The following BTBD7 variants were observed in gnomAD, a reference collection of about 807,000 sequenced individuals.
BTBD7 encodes BTB domain containing 7.
In BTBD7, 38 loss-of-function variants were observed where a neutral mutation model predicts 99.9. The observed-to-expected ratio is 0.38, with a 90% CI of 0.29 to 0.50. The LOEUF is 0.50. Among genes scored for constraint, BTBD7 ranks in the 20% least tolerant of loss-of-function variants. The pLI, the probability that BTBD7 is intolerant of heterozygous loss-of-function variation, is 0.93. For missense variants in BTBD7, 1,170 were observed against 1,394.6 expected, an observed-to-expected ratio of 0.84 and a Z score of 2.57; for synonymous variants, 520 against 511.4, an observed-to-expected ratio of 1.02 and a Z score of -0.23.
intron 7 of BTBD7, among the ~76,000 whole-genome samples, chr14:93,253,327 T>C (rs1230174673): frequency 6.6e-6 from 1 of 152,234 alleles, no homozygotes; most frequent in African/African-American, 2.4e-5. Context: ...ATTTCCCTCA[T>C]GCTCAAGATC....
chr14:93,268,665 C>T (rs149408373), intron 3 of BTBD7, among the ~76,000 whole-genome samples: 1 of 150,598 alleles, frequency 6.6e-6, no homozygotes, highest in East Asian at 2.0e-4. Context: ...CAAGGTTATA[C>T]ATCTAGGAAG....
In BTBD7 at chr14:93,246,301, A is replaced by G; in HGVS notation, c.2122-15T>C. The G allele has an allele frequency of 1.2e-6, 1 of 803,674 alleles. No homozygotes were observed. Among genetic ancestry groups the G allele is most frequent in the Middle Eastern group, 3.2e-4 (1 of 3,134 alleles). 49.8% of individuals were successfully genotyped at this position (803,674 alleles called of 1,614,324 possible). A position where few individuals can be genotyped will look rare whatever the true frequency, so the allele number is the denominator to read the frequency against. ...TTGTGAGGATTCTAAAAAAGATTAA[A>G]AAAAAAAAAAAAGGACATTTATTAG... is the stretch of plus-strand genomic sequence containing the variant. On this transcript the variant is annotated splice_polypyrimidine_tract_variant and intron_variant, in intron 9 of 10. Transcript: ENST00000334746.
chr14:93,293,240 C>A (rs1024028553), intron 3 of BTBD7, among the ~76,000 whole-genome samples: 8 of 152,072 alleles, frequency 5.3e-5, no homozygotes, highest in African/African-American at 1.9e-4. Flanking sequence ...AAAAAACGTG[C>A]CGTCCTAATT....
At chr14:93,287,907 A>C (rs936443006) in intron 3 of BTBD7, 1 of 152,388 alleles carries the variant, frequency 6.6e-6, no homozygotes, top group African/African-American at 2.4e-5. Flanking sequence ...ATATCCCTAC[A>C]CAGGCAGTTT....
chr14:93,254,865 G>C (rs1193274367), intron 6 of BTBD7, among the ~76,000 whole-genome samples: 1 of 152,192 alleles, frequency 6.6e-6, no homozygotes, highest in East Asian at 1.9e-4. Flanking sequence ...CGATGTGTTA[G>C]GCACGGAGTT....
At position 93,289,167 on chromosome 14, in the gene BTBD7, C is replaced by T. The variant is rs149651086; in HGVS notation, c.1162+4691G>A. ...ACTGGGACAAAATGGAGACTGAGTA[C>T]TGATGCATGAATACAATCCATGCAT... On this transcript the variant is annotated intron_variant, in intron 3 of 10. Coordinates refer to ENST00000334746, the MANE Select transcript of BTBD7 (RefSeq NM_001002860.4). 2.7e-3 allele frequency among the ~76,000 whole-genome samples: 408 copies of T among 152,290 alleles called. 1 individual carries two copies. Among genetic ancestry groups the T allele is most frequent in the African/African-American group, 9.3e-3 (386 of 41,552 alleles).
At position 93,293,991 on chromosome 14, in the gene BTBD7, G is replaced by A. The variant is rs369349497; in HGVS notation, c.1029C>T (p.His343=). The change falls in exon 3 of 11, where the codon CAC becomes CAT. Residue 343 remains histidine, a synonymous_variant. Coordinates refer to ENST00000334746, the MANE Select transcript of BTBD7 (RefSeq NM_001002860.4). ...YTDVVDLSVL[H]CSPSVGSLSE... Reference sequence around the variant, plus strand: ...TGAGACTCCCCACAGAGGGGCTACAGTGCAAAACAGAGAGGTCCACCACGT... The same window carrying A: ...TGAGACTCCCCACAGAGGGGCTACAATGCAAAACAGAGAGGTCCACCACGT... 1 of 1,613,756 alleles carries A rather than the reference G, an allele frequency of 6.2e-7. No individual in the cohort carries two copies. Among genetic ancestry groups the A allele is most frequent in the African/African-American group, 1.3e-5 (1 of 74,926 alleles).
intron 2 of BTBD7, 52 bp downstream of exon 2, chr14:93,295,918 C>T (rs1595321591): frequency 1.3e-6 from 2 of 1,550,044 alleles, no homozygotes; most frequent in Non-Finnish European, 1.8e-6. Context: ...ACCGAAAACA[C>T]AATTCTATTA....
chr14:93,332,962 T>C lies in BTBD7; in HGVS notation c.-249A>G, dbSNP rs1398096436. On this transcript the variant is annotated 5_prime_UTR_variant, in exon 1 of 11. Coordinates refer to ENST00000334746, the MANE Select transcript of BTBD7 (RefSeq NM_001002860.4). ...CACCGCCGCCGCCGCCGCCCTCTCC[T>C]CTCCTGTCAGTGGCTCAGGCTCCGG... 1 of 681,780 alleles carries C rather than the reference T, an allele frequency of 1.5e-6. No homozygotes were observed. Among genetic ancestry groups the C allele is most frequent in the Non-Finnish European group, 2.3e-6 (1 of 443,360 alleles). 42.2% of individuals were successfully genotyped at this position (681,780 alleles called of 1,614,324 possible).
intron 5 of BTBD7, 83 bp from the exon 6 acceptor site, chr14:93,257,438 A>C: frequency 7.8e-7 from 1 of 1,278,696 alleles, no homozygotes; most frequent in Non-Finnish European, 1.1e-6. Context: ...ACATACACTA[A>C]CAGTACCACT....
intron 1 of BTBD7, among the ~76,000 whole-genome samples, chr14:93,301,962 G>C (rs1022868144): frequency 1.3e-5 from 2 of 152,212 alleles, no homozygotes; most frequent in Non-Finnish European, 2.9e-5. Context: ...ATTAGGCAAA[G>C]CGCAGGAATT....
intron 7 of BTBD7, among the ~76,000 whole-genome samples, chr14:93,252,100 A>C (rs1444350040): frequency 3.9e-5 from 6 of 152,128 alleles, no homozygotes; most frequent in Non-Finnish European, 8.8e-5. Context: ...ACCTGAGGTC[A>C]TGAGTTCAAG....
At position 93,252,104 on chromosome 14, in the gene BTBD7, G is replaced by A. The variant is rs1052119342; in HGVS notation, c.1753-452C>T. 2.0e-5 allele frequency among the ~76,000 whole-genome samples: 3 copies of A among 152,218 alleles called. No homozygotes were observed. In the South Asian group the frequency reaches 6.2e-4, roughly 32 times the overall value. ...GTGGGTAGATCACCTGAGGTCATGA[G>A]TTCAAGACCAGTCTGGCCAACAAGG... is the stretch of plus-strand genomic sequence containing the variant. On this transcript the variant is annotated intron_variant, in intron 7 of 10. Transcript: ENST00000334746.
intron 1 of BTBD7, among the ~76,000 whole-genome samples, chr14:93,330,496 T>G (rs1361028603): frequency 6.6e-6 from 1 of 152,216 alleles, no homozygotes; most frequent in Non-Finnish European, 1.5e-5. Flanking sequence ...CTCTCTACCC[T>G]GTATACCAAC....
intron 1 of BTBD7, among the ~76,000 whole-genome samples, chr14:93,314,991 G>A (rs1004531943): frequency 2.0e-5 from 3 of 151,822 alleles, no homozygotes; most frequent in Non-Finnish European, 4.4e-5. Context: ...ATATTCATAC[G>A]GGCCTTTTAA....
intron 3 of BTBD7, among the ~76,000 whole-genome samples, chr14:93,277,925 T>C (rs1362929225): frequency 2.0e-5 from 3 of 152,182 alleles, no homozygotes; most frequent in African/African-American, 7.2e-5. Context: ...ATAAAAACTA[T>C]CCTCCTACTC....
intron 5 of BTBD7, among the ~76,000 whole-genome samples, chr14:93,259,827 G>T (rs570936457): frequency 2.6e-5 from 4 of 152,182 alleles, no homozygotes; most frequent in African/African-American, 9.6e-5. Flanking sequence ...CCAGCTACTC[G>T]GGAAGCTGAG....
chr14:93,256,219 A>C (rs773154133), intron 6 of BTBD7: 1 of 152,142 alleles, frequency 6.6e-6, no homozygotes, highest in Non-Finnish European at 1.5e-5. Flanking sequence ...ATCTAGCACC[A>C]CATTGACTTG....
At chr14:93,292,699 G>A (rs1368178310) in intron 3 of BTBD7, among the ~76,000 whole-genome samples, 1 of 152,010 alleles carries the variant, frequency 6.6e-6, no homozygotes, top group African/African-American at 2.4e-5. Context: ...AGAGTACAGT[G>A]CAGTAGCTAT....
Sources: gnomAD v4.1 joint callset for allele counts (sites outside exome capture counted in the v4.1 genomes callset) on GRCh38, gnomAD v4.1.1 for gene constraint, MANE v1.5 for transcripts, NCBI Gene and HGNC (gene_info 2026-07-23, HGNC 2026-07-21) for gene names.